EVI5: variants seen among roughly 807,000 people sequenced by gnomAD.
The protein encoded by EVI5 is ecotropic viral integration site 5 protein homolog.
Under a neutral mutation model 112.0 loss-of-function variants are expected in EVI5, and 73 were observed. The ratio of observed to expected loss-of-function variants is 0.65; its 90% CI spans 0.54 to 0.79. The LOEUF is 0.79. Ranked by LOEUF, EVI5 falls within the 30% of genes least tolerant of loss-of-function variation. The probability of loss-of-function intolerance (pLI) is 0.00; values close to 1 mark genes in which losing one functional copy is unlikely to be tolerated. For synonymous variants in EVI5, 305 were observed against 319.9 expected (o/e 0.95, Z 0.50); for missense variants, 900 against 968.8 (o/e 0.93, Z 0.94).
intron 18 of EVI5, among the ~76,000 whole-genome samples, chr1:92,592,764 A>G (rs963609608): frequency 2.0e-5 from 3 of 152,240 alleles, no homozygotes; most frequent in African/African-American, 4.8e-5. Flanking sequence ...CATACATACA[A>G]ACTACCATCA....
Position 92,736,462 on chromosome 1 carries a change from A to G in EVI5, c.85T>C (p.Ser29Pro). Reference protein sequence around the residue: ...TTLSTPALSPSSPSQLSPDDL... With the variant: ...TTLSTPALSPPSPSQLSPDDL... ...TCTGGACTCAACTGTGATGGGGAAG[A>G]TGGTGAAAGGGCTGGTGTTGATAGT... The change falls in exon 2 of 20, where the codon TCT (serine) becomes CCT (proline). Residue 29 changes from serine (S) to proline (P), a missense_variant. Physicochemically the swap from Ser to Pro is moderately conservative, Grantham distance 74. Coordinates refer to ENST00000684568, the MANE Select transcript of EVI5 (RefSeq NM_001350197.2). 6.2e-7 allele frequency: 1 copy of G among 1,614,024 alleles called. No individual in the cohort carries two copies. The highest frequency in any genetic ancestry group is 8.5e-7 in the Non-Finnish European group (1 of 1,179,948).
At chr1:92,535,979 T>A (rs1380102556) in intron 19 of EVI5, among the ~76,000 whole-genome samples, 1 of 152,198 alleles carries the variant, frequency 6.6e-6, no homozygotes, top group African/African-American at 2.4e-5. Context: ...AGAACATTAA[T>A]AAGCAGACAG....
intron 19 of EVI5, among the ~76,000 whole-genome samples, chr1:92,536,245 C>A (rs1269176444): frequency 6.6e-6 from 1 of 152,094 alleles, no homozygotes; most frequent in East Asian, 1.9e-4. Context: ...TTTAGAATTT[C>A]TCTGTGTGTA....
chr1:92,769,628 G>A (rs1252763541), intron 1 of EVI5, among the ~76,000 whole-genome samples: 1 of 152,194 alleles, frequency 6.6e-6, no homozygotes, highest in African/African-American at 2.4e-5. Context: ...GCTCACGCCT[G>A]TAATCCCAGC....
At chr1:92,626,970 CAAATG>C (rs941172188) in intron 14 of EVI5, among the ~76,000 whole-genome samples, 6 of 152,124 alleles carry the variant, frequency 3.9e-5, no homozygotes, top group African/African-American at 1.4e-4. Flanking sequence ...CCAATTGATT[CAAATG>C]AAATGACTGA....
intron 19 of EVI5, among the ~76,000 whole-genome samples, chr1:92,536,378 G>C (rs1663898117): frequency 6.6e-6 from 1 of 152,136 alleles, no homozygotes; most frequent in African/African-American, 2.4e-5. Flanking sequence ...ACAGGAAACT[G>C]TCATGTTCAT....
intron 9 of EVI5, among the ~76,000 whole-genome samples, chr1:92,678,362 C>A (rs1479551502): frequency 6.6e-6 from 1 of 152,068 alleles, no homozygotes; most frequent in Non-Finnish European, 1.5e-5. Context: ...GAAACCCAGT[C>A]TCTACAAAAA....
chr1:92,635,878 G>A (rs1658715356), intron 14 of EVI5, among the ~76,000 whole-genome samples: 1 of 152,104 alleles, frequency 6.6e-6, no homozygotes, highest in South Asian at 2.1e-4. Flanking sequence ...AATATTTGAT[G>A]ATAACAGTTA....
intron 19 of EVI5, among the ~76,000 whole-genome samples, chr1:92,529,900 G>A (rs558398828): frequency 8.5e-5 from 13 of 152,204 alleles, no homozygotes; most frequent in African/African-American, 3.1e-4. Context: ...TATGCTTACT[G>A]TATTTTCATA....
intron 19 of EVI5, among the ~76,000 whole-genome samples, chr1:92,539,597 A>G (rs1664479685): frequency 6.6e-6 from 1 of 151,084 alleles, no homozygotes; most frequent in Non-Finnish European, 1.5e-5. Flanking sequence ...AGATCCGCCT[A>G]TGTTTATACA....
chr1:92,657,236 A>G (rs533157186), intron 13 of EVI5, among the ~76,000 whole-genome samples: 4 of 152,362 alleles, frequency 2.6e-5, no homozygotes, highest in Admixed American at 2.0e-4. Flanking sequence ...AAATAAATCA[A>G]TAACTGTGAT....
upstream of EVI5, among the ~76,000 whole-genome samples, chr1:92,785,966 C>G (rs1006720623): frequency 6.6e-6 from 1 of 151,658 alleles, no homozygotes; most frequent in Non-Finnish European, 1.5e-5. Context: ...TGCGCCTGTA[C>G]TCCCAGCCAA....
chr1:92,550,784 ATATATATATAT>A (rs1666745084), intron 19 of EVI5, among the ~76,000 whole-genome samples: 2 of 69,880 alleles, frequency 2.9e-5, no homozygotes, highest in Non-Finnish European at 2.6e-5. Flanking sequence ...AAAAAAAAAT[ATATATATATAT>A]ATATATATAT....
chr1:92,678,966 A>G (rs1667177491), intron 9 of EVI5, among the ~76,000 whole-genome samples: 1 of 151,926 alleles, frequency 6.6e-6, no homozygotes, highest in African/African-American at 2.4e-5. Flanking sequence ...AGTGTATCTT[A>G]AAACAGCAGT....
intron 16 of EVI5, among the ~76,000 whole-genome samples, chr1:92,618,646 G>A (rs1224412689): frequency 2.0e-5 from 3 of 152,142 alleles, no homozygotes; most frequent in Non-Finnish European, 4.4e-5. Context: ...GAAGGTTTGG[G>A]TCACTCCACC....
chr1:92,598,735 A>G (rs1648493337), intron 18 of EVI5, among the ~76,000 whole-genome samples: 1 of 152,194 alleles, frequency 6.6e-6, no homozygotes, highest in Non-Finnish European at 1.5e-5. Flanking sequence ...CAAAAAACCC[A>G]CCAATAAATA....
chr1:92,689,340 C>T (rs539504678), intron 9 of EVI5, among the ~76,000 whole-genome samples: 5 of 152,164 alleles, frequency 3.3e-5, no homozygotes, highest in Admixed American at 3.3e-4. Flanking sequence ...TTAAGAATAA[C>T]CAAGCACTGA....
intron 13 of EVI5, among the ~76,000 whole-genome samples, chr1:92,653,327 C>G (rs4847432): frequency 0.58 from 87,474 of 152,104 alleles, 26,953 homozygotes; most frequent in East Asian, 0.93. Flanking sequence ...ACAAGTATTG[C>G]ACGCCAAGGG....
chr1:92,647,950 G>C (rs1466835153), intron 13 of EVI5, among the ~76,000 whole-genome samples: 1 of 151,032 alleles, frequency 6.6e-6, no homozygotes, highest in Admixed American at 6.6e-5. Flanking sequence ...TCACCATGTT[G>C]GCCAAGCTGG....
Sources: allele counts gnomAD v4.1 joint callset (sites outside exome capture counted in the v4.1 genomes callset), GRCh38; gene constraint gnomAD v4.1.1; transcripts MANE v1.5; gene names NCBI Gene and HGNC (gene_info 2026-07-23, HGNC 2026-07-21).